ANXA8: variants seen among roughly 807,000 people sequenced by gnomAD.
ANXA8 encodes the protein annexin A8.
Under a neutral mutation model 26.8 loss-of-function variants are expected in ANXA8, and 9 were observed. That is an observed-to-expected ratio of 0.34 (90% CI 0.20 to 0.59). ANXA8 has a LOEUF of 0.59. Among genes scored for constraint, ANXA8 ranks in the 20% least tolerant of loss-of-function variants. The pLI, the probability that ANXA8 is intolerant of heterozygous loss-of-function variation, is 0.84. For missense variants in ANXA8, 83 were observed against 238.5 expected (o/e 0.35, Z 4.29); for synonymous variants, 39 against 94.8 (o/e 0.41, Z 3.42).
the ANXA8 span, among the ~76,000 whole-genome samples, chr10:47,960,553 C>T: frequency 6.7e-6 from 1 of 149,816 alleles, no homozygotes; most frequent in Non-Finnish European, 1.5e-5. Flanking sequence ...GAAGCTGGGG[C>T]AAGAGTAGCT....
At chr10:47,743,405 T>TGAGA in the ANXA8 span, among the ~76,000 whole-genome samples, 2,325 of 83,376 alleles carry the variant, frequency 0.028, 89 homozygotes, top group African/African-American at 0.091. Context: ...TGTGTGTGTG[T>TGAGA]GAGAGAGAGA....
At chr10:47,673,241 G>A in the ANXA8 span, among the ~76,000 whole-genome samples, 1 of 151,680 alleles carries the variant, frequency 6.6e-6, no homozygotes, top group African/African-American at 2.4e-5. Flanking sequence ...TGACGAACTG[G>A]CATAGATAAT....
At chr10:47,588,170 T>G in the ANXA8 span, among the ~76,000 whole-genome samples, 1 of 142,796 alleles carries the variant, frequency 7.0e-6, no homozygotes, top group Non-Finnish European at 1.5e-5. Flanking sequence ...GGAACGAAAT[T>G]GCATAATAAT....
the ANXA8 span, among the ~76,000 whole-genome samples, chr10:47,520,838 T>TAAA: frequency 1.3e-4 from 12 of 89,322 alleles, no homozygotes; most frequent in Non-Finnish European, 1.9e-4. Flanking sequence ...CTCCTTTATT[T>TAAA]AAAAAAAAAA....
the ANXA8 span, among the ~76,000 whole-genome samples, chr10:47,733,148 T>C: frequency 0.039 from 1,710 of 44,040 alleles, 1 homozygote; most frequent in Admixed American, 0.056. Context: ...CCCTAATCTT[T>C]CTTTCTTTCT....
chr10:47,644,058 TC>T, the ANXA8 span, among the ~76,000 whole-genome samples: 19 of 120,044 alleles, frequency 1.6e-4, no homozygotes, highest in South Asian at 3.1e-3. Context: ...CTTGCCATTT[TC>T]CTCCATTTTT....
At chr10:47,716,046 A>G in the ANXA8 span, among the ~76,000 whole-genome samples, 1 of 148,662 alleles carries the variant, frequency 6.7e-6, no homozygotes, top group Admixed American at 6.7e-5. Flanking sequence ...AGTGCATACC[A>G]TCAGTGCATG....
the ANXA8 span, chr10:47,590,192 C>A: frequency 6.8e-6 from 1 of 146,810 alleles, no homozygotes; most frequent in African/African-American, 2.8e-5. Context: ...TGTTCCACCA[C>A]CTGCCTGAAG....
At chr10:47,489,041 C>T (rs1215772397), upstream of ANXA8, among the ~76,000 whole-genome samples, 5 of 132,560 alleles carry the variant, frequency 3.8e-5, no homozygotes, top group African/African-American at 5.8e-5. Flanking sequence ...TTTTTGAGAC[C>T]GAGTCTTGCT....
the ANXA8 span, among the ~76,000 whole-genome samples, chr10:47,676,971 T>A: frequency 8.2e-6 from 1 of 122,622 alleles, no homozygotes; most frequent in African/African-American, 3.8e-5. Context: ...TACAATGGGA[T>A]GACATCCATA....
chr10:47,496,949 C>T, the ANXA8 span, among the ~76,000 whole-genome samples: 1 of 138,564 alleles, frequency 7.2e-6, no homozygotes, highest in South Asian at 2.4e-4. Context: ...AAGATACTAT[C>T]TTTCCCCCTC....
the ANXA8 span, among the ~76,000 whole-genome samples, chr10:47,667,774 G>A: frequency 5.9e-5 from 9 of 151,554 alleles, no homozygotes; most frequent in Admixed American, 2.0e-4. Context: ...GTATCACTCT[G>A]TTGCCCAGGC....
chr10:47,967,278 A>G, the ANXA8 span, among the ~76,000 whole-genome samples: 1 of 151,252 alleles, frequency 6.6e-6, no homozygotes, highest in Non-Finnish European at 1.5e-5. Context: ...AATGCTTAGT[A>G]GCATGTATAG....
chr10:47,680,627 T>C, the ANXA8 span, among the ~76,000 whole-genome samples: 1 of 148,622 alleles, frequency 6.7e-6, no homozygotes, highest in Non-Finnish European at 1.5e-5. Context: ...AGAGCAAGAC[T>C]CCATCTCAAA....
At chr10:47,523,740 G>A in the ANXA8 span, 1 of 1,384,118 alleles carries the variant, frequency 7.2e-7, no homozygotes, top group African/African-American at 1.5e-5. Context: ...GCACCCTGCT[G>A]CCTCCCCTGA....
At chr10:47,674,026 C>T in the ANXA8 span, among the ~76,000 whole-genome samples, 2 of 151,584 alleles carry the variant, frequency 1.3e-5, no homozygotes, top group Non-Finnish European at 2.9e-5. Flanking sequence ...GAGTATTGTT[C>T]AGGTATTTTG....
the ANXA8 span, among the ~76,000 whole-genome samples, chr10:47,953,457 T>C: frequency 6.6e-6 from 1 of 150,892 alleles, no homozygotes; most frequent in East Asian, 2.0e-4. Flanking sequence ...AGAACTCTTG[T>C]ACAATGTTAG....
At chr10:47,939,230 G>A in the ANXA8 span, among the ~76,000 whole-genome samples, 2 of 139,962 alleles carry the variant, frequency 1.4e-5, 1 homozygote, top group Admixed American at 1.4e-4. Flanking sequence ...TTGAACCCAG[G>A]AGGCGGAGGT....
the ANXA8 span, among the ~76,000 whole-genome samples, chr10:47,709,558 G>C: frequency 5.4e-5 from 8 of 148,622 alleles, no homozygotes; most frequent in Non-Finnish European, 1.0e-4. Flanking sequence ...CATAGTAACT[G>C]AAGAATTAAA....
Sources: gnomAD v4.1 joint callset for allele counts (sites outside exome capture counted in the v4.1 genomes callset) on GRCh38, gnomAD v4.1.1 for gene constraint, MANE v1.5 for transcripts, NCBI Gene and HGNC (gene_info 2026-07-23, HGNC 2026-07-21) for gene names.